Variants in OSBPL8 observed in about 807,000 individuals in gnomAD.
OSBPL8 encodes oxysterol binding protein like 8.
Under a neutral mutation model 125.5 loss-of-function variants are expected in OSBPL8, and 59 were observed. The ratio of observed to expected loss-of-function variants is 0.47; its 90% CI spans 0.38 to 0.58. The LOEUF is 0.58. Among genes scored for constraint, OSBPL8 ranks in the 20% least tolerant of loss-of-function variants. OSBPL8 has a pLI of 0.00. For synonymous variants in OSBPL8, 330 were observed against 338.9 expected (o/e 0.97, Z 0.29); for missense variants, 758 against 1,047.8 (o/e 0.72, Z 3.82).
chr12:76,455,405 T>C (rs890373893), intron 3 of OSBPL8, among the ~76,000 whole-genome samples: 61 of 152,226 alleles, frequency 4.0e-4, no homozygotes, highest in African/African-American at 1.5e-3. Flanking sequence ...TAATTTAAAA[T>C]ACTTTATAAG....
chr12:76,450,408 T>C (rs1873239309), intron 4 of OSBPL8, among the ~76,000 whole-genome samples: 1 of 152,182 alleles, frequency 6.6e-6, no homozygotes, highest in Non-Finnish European at 1.5e-5. Flanking sequence ...GAAAACACTG[T>C]AGTTCTTAAT....
Position 76,369,657 on chromosome 12 carries a change from T to G in OSBPL8, c.2220A>C (p.Glu740Asp). 6.2e-7 allele frequency: 1 copy of G among 1,613,514 alleles called. No individual in the cohort carries two copies. ...KLFELDPLTG[E>D]WHYKFADTRP... Reference sequence around the variant, plus strand: ...CTTACTCTGCAAACTTGTAATGCCATTCTCCTGTGAGTGGATCAAGTTCAA... The same window carrying G: ...CTTACTCTGCAAACTTGTAATGCCAGTCTCCTGTGAGTGGATCAAGTTCAA... Residue 740 changes from glutamate to aspartate, a missense_variant, in exon 20 of 24, where the codon GAA (glutamate) becomes GAC (aspartate). By Grantham distance (45) the Glu-to-Asp change is conservative. Around this residue, in one of 3 missense-constraint regions of OSBPL8, gnomAD observed 572 missense variants for 762.0 expected, o/e 0.75. Coordinates refer to ENST00000261183, the MANE Select transcript of OSBPL8 (RefSeq NM_020841.5).
At chr12:76,360,418 C>T (rs1007410980) in intron 21 of OSBPL8, among the ~76,000 whole-genome samples, 5 of 152,224 alleles carry the variant, frequency 3.3e-5, no homozygotes, top group African/African-American at 1.2e-4. Context: ...GCAGGGTATC[C>T]CCTCCTGGCT....
At chr12:76,482,275 G>A (rs1033924414) in intron 2 of OSBPL8, among the ~76,000 whole-genome samples, 2 of 152,180 alleles carry the variant, frequency 1.3e-5, no homozygotes, top group African/African-American at 2.4e-5. Flanking sequence ...TTATGAAGCA[G>A]TTTCCTTTGC....
intron 4 of OSBPL8, among the ~76,000 whole-genome samples, chr12:76,413,921 G>A (rs1868338564): frequency 6.6e-6 from 1 of 152,118 alleles, no homozygotes; most frequent in African/African-American, 2.4e-5. Flanking sequence ...TTGGTGAAGA[G>A]CTTTTAATTT....
intron 1 of OSBPL8, among the ~76,000 whole-genome samples, chr12:76,533,322 G>A (rs989340599): frequency 2.6e-5 from 4 of 152,078 alleles, no homozygotes; most frequent in African/African-American, 9.7e-5. Flanking sequence ...GTTTACTCAG[G>A]AATGTAATCT....
intron 6 of OSBPL8, among the ~76,000 whole-genome samples, chr12:76,401,898 G>T (rs1040748374): frequency 2.0e-5 from 3 of 152,060 alleles, no homozygotes; most frequent in Non-Finnish European, 2.9e-5. Context: ...AGGTCTTATT[G>T]TTGCTTTGTT....
intron 6 of OSBPL8, among the ~76,000 whole-genome samples, chr12:76,400,691 AT>A (rs1367254386): frequency 1.1e-3 from 162 of 142,482 alleles, no homozygotes; most frequent in African/African-American, 1.6e-3. Flanking sequence ...AAAATACTGT[AT>A]TTTTTTTTTT....
At chr12:76,359,551 A>C (rs1952118909) in intron 21 of OSBPL8, among the ~76,000 whole-genome samples, 2 of 152,226 alleles carry the variant, frequency 1.3e-5, no homozygotes, top group South Asian at 2.1e-4. Flanking sequence ...AAGAAACTAG[A>C]ATCAGAAAGA....
chr12:76,527,422 C>T (rs1432218978), intron 1 of OSBPL8, among the ~76,000 whole-genome samples: 1 of 152,162 alleles, frequency 6.6e-6, no homozygotes, highest in Non-Finnish European at 1.5e-5. Context: ...GAAACCAAAA[C>T]AATATGTTAA....
chr12:76,512,675 T>G (rs1248745550), intron 1 of OSBPL8, among the ~76,000 whole-genome samples: 1 of 152,356 alleles, frequency 6.6e-6, no homozygotes, highest in African/African-American at 2.4e-5. Flanking sequence ...GGGCTCTTTT[T>G]TGGTTCCACA....
intron 1 of OSBPL8, among the ~76,000 whole-genome samples, chr12:76,505,357 T>A (rs914043267): frequency 6.6e-6 from 1 of 152,206 alleles, no homozygotes; most frequent in Non-Finnish European, 1.5e-5. Flanking sequence ...GGAATAGCTA[T>A]CCATATCCAT....
At chr12:76,516,000 C>T (rs935840898) in intron 1 of OSBPL8, among the ~76,000 whole-genome samples, 4 of 151,878 alleles carry the variant, frequency 2.6e-5, no homozygotes, top group African/African-American at 7.3e-5. Context: ...AAAATATTAG[C>T]GAAATGATAA....
At chr12:76,486,081 G>T in intron 2 of OSBPL8, 1 of 407,056 alleles carries the variant, frequency 2.5e-6, no homozygotes, top group South Asian at 1.8e-5. Flanking sequence ...TTCTTCATAA[G>T]CCAAGAATTT....
chr12:76,518,053 C>T (rs977679423), intron 1 of OSBPL8, among the ~76,000 whole-genome samples: 15 of 152,142 alleles, frequency 9.9e-5, no homozygotes, highest in African/African-American at 3.6e-4. Context: ...CATCCCTTCC[C>T]AATAGTCTCC....
chr12:76,465,453 A>G (rs1024937986), intron 2 of OSBPL8, among the ~76,000 whole-genome samples: 1 of 152,036 alleles, frequency 6.6e-6, no homozygotes, highest in African/African-American at 2.4e-5. Context: ...CTAGCTACTC[A>G]GGAGGCTTAG....
intron 1 of OSBPL8, among the ~76,000 whole-genome samples, chr12:76,515,665 T>G (rs1881462999): frequency 6.6e-6 from 1 of 152,076 alleles, no homozygotes; most frequent in African/African-American, 2.4e-5. Flanking sequence ...TCTCAGTGTT[T>G]ATGTTCCTTC....
At chr12:76,557,146 GATA>G (rs1264132277) in intron 1 of OSBPL8, among the ~76,000 whole-genome samples, 4 of 152,096 alleles carry the variant, frequency 2.6e-5, no homozygotes, top group African/African-American at 9.7e-5. Context: ...TTGTTATTAG[GATA>G]ATATTAGGAT....
intron 21 of OSBPL8, among the ~76,000 whole-genome samples, chr12:76,362,671 G>C (rs1952251756): frequency 6.6e-6 from 1 of 152,196 alleles, no homozygotes; most frequent in South Asian, 2.1e-4. Flanking sequence ...AGTACTGGAA[G>C]TTCTGGCCAG....
Sources: gnomAD v4.1 joint callset for allele counts (sites outside exome capture counted in the v4.1 genomes callset) on GRCh38, gnomAD v4.1.1 for gene constraint, gnomAD v4.1.1 regional missense constraint, MANE v1.5 for transcripts, NCBI Gene and HGNC (gene_info 2026-07-23, HGNC 2026-07-21) for gene names.